Variants in GNB4 observed in about 807,000 individuals in gnomAD.
GNB4 encodes guanine nucleotide-binding protein subunit beta-4.
GNB4 carries 28 observed loss-of-function variants against 45.2 expected under a neutral mutation model. The ratio of observed to expected loss-of-function variants is 0.62; its 90% confidence interval spans 0.46 to 0.85. GNB4 has a LOEUF of 0.85. Ranked by LOEUF, GNB4 falls within the 40% of genes least tolerant of loss-of-function variation. The probability of loss-of-function intolerance (pLI) is 0.00; values close to 1 mark genes in which losing one functional copy is unlikely to be tolerated. For missense variants in GNB4, 321 were observed against 425.4 expected (o/e 0.75, Z 2.16); for synonymous variants, 132 against 143.7 (o/e 0.92, Z 0.58).
At chr3:179,423,201 G>A (rs987823442) in intron 2 of GNB4, among the ~76,000 whole-genome samples, 2 of 152,132 alleles carry the variant, frequency 1.3e-5, no homozygotes, top group African/African-American at 2.4e-5. Context: ...GAGCACCTGC[G>A]CCCACGACAT....
Position 179,405,317 on chromosome 3 carries a change from C to A in GNB4, c.789G>T (p.Leu263Phe). 3 of 1,614,040 alleles carry A rather than the reference C, an allele frequency of 1.9e-6. No individual in the cohort carries two copies. Among genetic ancestry groups the A allele is most frequent in the African/African-American group, 1.3e-5 (1 of 75,010 alleles). ...CACAGATGATATTGTCATGAGAATA[C>A]AATAATAACTCTTGATCTGCACGAA... ...FDLRADQELLLYSHDNIICGI... is the reference protein window; with the variant it reads ...FDLRADQELLFYSHDNIICGI... Residue 263 changes from leucine to phenylalanine, a missense_variant, in exon 9 of 10, where the codon TTG becomes TTT. Transcript: ENST00000232564.
chr3:179,497,706 AT>A, the GNB4 span, among the ~76,000 whole-genome samples: 1 of 151,896 alleles, frequency 6.6e-6, no homozygotes, highest in Non-Finnish European at 1.5e-5. Flanking sequence ...TTTAAAAAAA[AT>A]TTAAAAAAGA....
At chr3:179,504,393 G>A in the GNB4 span, among the ~76,000 whole-genome samples, 1 of 152,130 alleles carries the variant, frequency 6.6e-6, no homozygotes, top group Admixed American at 6.5e-5. Context: ...CTGATCCAGT[G>A]TTTAGGACCT....
the GNB4 span, among the ~76,000 whole-genome samples, chr3:179,469,592 TCACAC>T: frequency 6.6e-6 from 1 of 152,142 alleles, no homozygotes; most frequent in South Asian, 2.1e-4. Context: ...CAAATGTTAA[TCACAC>T]CATAAAATAG....
Position 179,399,699 on chromosome 3 carries a change from T to C in GNB4, c.*1514A>G, listed in dbSNP as rs915930686. ...CATTCACAACATAAAAACAAAAATTTAGAGGTAAAGTTTGGGAGTATTTAG... is the reference window on the plus strand; with the variant it reads ...CATTCACAACATAAAAACAAAAATTCAGAGGTAAAGTTTGGGAGTATTTAG... On this transcript the variant is annotated 3_prime_UTR_variant, in exon 10 of 10. Transcript: ENST00000232564. The C allele has an allele frequency of 1.3e-5, 2 of 152,190 alleles. No homozygotes were observed. Among genetic ancestry groups the C allele is most frequent in the African/African-American group, 4.8e-5 (2 of 41,438 alleles). 9.4% of individuals were successfully genotyped at this position (152,190 alleles called of 1,614,324 possible). A position where few individuals can be genotyped will look rare whatever the true frequency, so the allele number is the denominator to read the frequency against.
At chr3:179,525,979 A>G in the GNB4 span, among the ~76,000 whole-genome samples, 3 of 152,352 alleles carry the variant, frequency 2.0e-5, no homozygotes, top group Non-Finnish European at 4.4e-5. Context: ...GTCTGTGTGA[A>G]GAGACCACCA....
At chr3:179,443,982 G>C (rs1018335693) in intron 1 of GNB4, among the ~76,000 whole-genome samples, 1 of 152,092 alleles carries the variant, frequency 6.6e-6, no homozygotes, top group African/African-American at 2.4e-5. Context: ...TCCTATTCAC[G>C]TTTTTATCCT....
chr3:179,452,278 C>T (rs550477857), upstream of GNB4: 1 of 151,636 alleles, frequency 6.6e-6, no homozygotes, highest in South Asian at 2.1e-4. Flanking sequence ...AAAATAAATG[C>T]ATCTATCCAA....
intron 1 of GNB4, among the ~76,000 whole-genome samples, chr3:179,435,824 T>C (rs1273734949): frequency 6.6e-6 from 1 of 152,216 alleles, no homozygotes; most frequent in Non-Finnish European, 1.5e-5. Flanking sequence ...CAAAAGATAC[T>C]AATGAGCCAC....
At position 179,420,880 on chromosome 3, in the gene GNB4, A is replaced by G. The variant is rs1222924595; in HGVS notation, c.96+9T>C. The G allele has an allele frequency of 1.8e-5, 28 of 1,568,322 alleles. No homozygotes were observed. Among genetic ancestry groups the G allele is most frequent in the Non-Finnish European group, 2.4e-5 (27 of 1,143,846 alleles). On this transcript the variant is annotated intron_variant, in intron 3 of 9. Coordinates refer to ENST00000232564, the MANE Select transcript of GNB4 (RefSeq NM_021629.4). ...TACCAAAATGAAATAAAGAAAAACA[A>G]AACTTTACCTGAACAAGCGTTGCAT...
the GNB4 span, among the ~76,000 whole-genome samples, chr3:179,484,963 G>A: frequency 0.59 from 87,798 of 147,864 alleles, 26,532 homozygotes; most frequent in East Asian, 0.96. Context: ...GAAATGATTC[G>A]GTATTTGCTA....
chr3:179,494,277 GAGAAAGAA>G, the GNB4 span, among the ~76,000 whole-genome samples: 1 of 142,874 alleles, frequency 7.0e-6, no homozygotes, highest in African/African-American at 2.5e-5. Context: ...AAGAAAGAAA[GAGAAAGAA>G]AGAAAGAAAG....
At chr3:179,510,576 C>T in the GNB4 span, among the ~76,000 whole-genome samples, 67,318 of 151,752 alleles carry the variant, frequency 0.44, 15,386 homozygotes, top group Admixed American at 0.51. Context: ...AAGATGCCTC[C>T]CCAGAATGGG....
chr3:179,491,852 A>G, the GNB4 span, among the ~76,000 whole-genome samples: 43 of 152,362 alleles, frequency 2.8e-4, no homozygotes, highest in South Asian at 8.5e-3. Context: ...TGTCATGTTT[A>G]TTCAAACAGC....
intron 8 of GNB4, among the ~76,000 whole-genome samples, chr3:179,409,808 C>CAAAAAAAAAACA (rs1714592980): frequency 1.5e-4 from 16 of 107,318 alleles, no homozygotes; most frequent in African/African-American, 5.8e-4. Flanking sequence ...GACTCTGTCT[C>CAAAAAAAAAACA]AAAAAAAAAA....
At chr3:179,471,374 C>G in the GNB4 span, among the ~76,000 whole-genome samples, 1 of 152,146 alleles carries the variant, frequency 6.6e-6, no homozygotes. Flanking sequence ...GTCCCGCAAG[C>G]CCCATTCATG....
At chr3:179,407,849 A>C (rs13074206) in intron 8 of GNB4, among the ~76,000 whole-genome samples, 58,409 of 151,942 alleles carry the variant, frequency 0.38, 11,665 homozygotes, top group Admixed American at 0.48. Context: ...TCCCCTCCAG[A>C]CAGAGGGAAA....
chr3:179,420,784 A>T (rs1714956862), intron 3 of GNB4, 105 bp downstream of exon 3: 2 of 743,958 alleles, frequency 2.7e-6, no homozygotes, highest in Non-Finnish European at 4.8e-6. Flanking sequence ...ATTTCATTTA[A>T]CTTTTTTCAA....
At chr3:179,500,149 T>A in the GNB4 span, among the ~76,000 whole-genome samples, 1 of 152,250 alleles carries the variant, frequency 6.6e-6, no homozygotes, top group East Asian at 1.9e-4. Flanking sequence ...AGTCATGAAG[T>A]CTTTGCCCAT....
Sources: allele counts gnomAD v4.1 joint callset (sites outside exome capture counted in the v4.1 genomes callset), GRCh38; gene constraint gnomAD v4.1.1; transcripts MANE v1.5; gene names NCBI Gene and HGNC (gene_info 2026-07-23, HGNC 2026-07-21).